CCDC7: variants seen among roughly 807,000 people sequenced by gnomAD.
CCDC7 encodes the protein coiled-coil domain containing 7.
CCDC7 carries 183 observed loss-of-function variants against 196.9 expected under a neutral mutation model. The ratio of observed to expected loss-of-function variants is 0.93; its 90% confidence interval spans 0.82 to 1.05. The LOEUF is 1.05. Ranked by LOEUF, CCDC7 falls within the 50% of genes least tolerant of loss-of-function variation. The pLI, the probability that CCDC7 is intolerant of heterozygous loss-of-function variation, is 0.00. For synonymous variants in CCDC7, 525 were observed against 484.6 expected (o/e 1.08, Z -1.10); for missense variants, 1,540 against 1,482.2 (o/e 1.04, Z -0.64).
chr10:32,449,899 A>G (rs2032557636), upstream of CCDC7, among the ~76,000 whole-genome samples: 1 of 152,224 alleles, frequency 6.6e-6, no homozygotes. Context: ...GGCAACATTT[A>G]TTTAGCGTCT....
chr10:32,860,638 A>T (rs535145934), intron 41 of CCDC7, among the ~76,000 whole-genome samples: 1 of 152,348 alleles, frequency 6.6e-6, no homozygotes, highest in South Asian at 2.1e-4. Context: ...CTGTTTGCAG[A>T]TGACATGATT....
At chr10:32,680,045 T>C (rs1322633658) in intron 21 of CCDC7, among the ~76,000 whole-genome samples, 3 of 152,156 alleles carry the variant, frequency 2.0e-5, no homozygotes, top group African/African-American at 4.8e-5. Flanking sequence ...CCAAAATCAA[T>C]TGAAAATCTT....
chr10:32,504,979 C>T (rs1442789651), intron 9 of CCDC7, among the ~76,000 whole-genome samples: 1 of 152,092 alleles, frequency 6.6e-6, no homozygotes, highest in African/African-American at 2.4e-5. Context: ...TCTGGATGAA[C>T]TGTCTATTGT....
At chr10:32,597,815 A>T (rs903540439) in intron 18 of CCDC7, among the ~76,000 whole-genome samples, 3 of 152,176 alleles carry the variant, frequency 2.0e-5, no homozygotes, top group African/African-American at 7.2e-5. Flanking sequence ...CTGGGTATCC[A>T]GCGGAGGCTG....
At chr10:32,824,644 A>T (rs1207459842) in intron 32 of CCDC7, 40 bp downstream of exon 33, 1 of 1,369,634 alleles carries the variant, frequency 7.3e-7, no homozygotes, top group East Asian at 2.3e-5. Flanking sequence ...ATGGTTTCCT[A>T]TCTTCTCTGG....
intron 18 of CCDC7, among the ~76,000 whole-genome samples, chr10:32,630,942 C>T (rs1281415910): frequency 6.6e-6 from 1 of 152,104 alleles, no homozygotes; most frequent in Non-Finnish European, 1.5e-5. Context: ...AGAAGTGATG[C>T]CATGCAGTGT....
intron 18 of CCDC7, among the ~76,000 whole-genome samples, chr10:32,621,068 G>A (rs1331454708): frequency 1.3e-5 from 2 of 152,106 alleles, no homozygotes; most frequent in Admixed American, 6.6e-5. Context: ...GACAAAGCTG[G>A]TTTAGTCTGA....
chr10:32,686,093 A>G lies in CCDC7; in HGVS notation c.2233+13A>G. On this transcript the variant is annotated intron_variant, in intron 22 of 41. Transcript: ENST00000639629. ...CAACCACTCACCAGTAAGTATAAAA[A>G]TTACACATAACTTTACATTATTTTA... 8.2e-7 allele frequency: 1 copy of G among 1,212,246 alleles called. No individual in the cohort carries two copies. The highest frequency in any genetic ancestry group is 1.2e-6 in the Non-Finnish European group (1 of 847,120). The allele number at this position is 1,212,246 out of a possible 1,614,324, so 75.1% of individuals were successfully genotyped here. A position where few individuals can be genotyped will look rare whatever the true frequency, so the allele number is the denominator to read the frequency against.
At chr10:32,759,107 T>G (rs974471147) in intron 28 of CCDC7, among the ~76,000 whole-genome samples, 1 of 152,162 alleles carries the variant, frequency 6.6e-6, no homozygotes, top group Non-Finnish European at 1.5e-5. Context: ...CTCAAACAAA[T>G]GGAAGAACAT....
chr10:32,458,070 G>T (rs1012702197), intron 3 of CCDC7, among the ~76,000 whole-genome samples: 7 of 151,994 alleles, frequency 4.6e-5, no homozygotes, highest in Admixed American at 1.3e-4. Context: ...TGTTGCCTAT[G>T]CTTTTGAGGT....
At chr10:32,745,295 A>G (rs1005203717) in intron 28 of CCDC7, among the ~76,000 whole-genome samples, 2 of 152,194 alleles carry the variant, frequency 1.3e-5, no homozygotes, top group East Asian at 1.9e-4. Flanking sequence ...GTTCCTTTGC[A>G]TTGCTATAAA....
At chr10:32,641,106 T>C (rs950041654) in intron 20 of CCDC7, among the ~76,000 whole-genome samples, 17 of 152,148 alleles carry the variant, frequency 1.1e-4, no homozygotes, top group Non-Finnish European at 5.9e-5. Context: ...ATTTCAACTT[T>C]GGTGAATCTG....
Position 32,697,979 on chromosome 10 carries a change from G to A in CCDC7, c.2458+2987G>A, listed in dbSNP as rs187493125. Among the ~76,000 whole-genome samples, 86 of 152,304 alleles carry A rather than the reference G, an allele frequency of 5.6e-4. No homozygotes were observed. The Middle Eastern group carries it at 0.014, about 24-fold the overall frequency. ...GCCCCTTTGAGACAAAGCTTCCAGAGGAAGGATCAGGCAGCAACCTTTGCT... is the reference window on the plus strand; with the variant it reads ...GCCCCTTTGAGACAAAGCTTCCAGAAGAAGGATCAGGCAGCAACCTTTGCT... On this transcript the variant is annotated intron_variant, in intron 24 of 41. Transcript: ENST00000639629.
intron 13 of CCDC7, among the ~76,000 whole-genome samples, chr10:32,557,267 T>A (rs1415942401): frequency 6.6e-6 from 1 of 150,640 alleles, no homozygotes; most frequent in Non-Finnish European, 1.5e-5. Context: ...TGGCCACTTT[T>A]ATTGCTTTTT....
chr10:32,534,866 G>A (rs1296507654), intron 11 of CCDC7, among the ~76,000 whole-genome samples: 2 of 151,866 alleles, frequency 1.3e-5, no homozygotes, highest in East Asian at 3.9e-4. Flanking sequence ...GTCTGTTGTT[G>A]GTAATATTTC....
rs1417401407 is a variant in CCDC7 at position 32,686,023 on chromosome 10, T to C, written c.2176T>C (p.Ser726Pro). 3.1e-6 allele frequency: 5 copies of C among 1,589,822 alleles called. No individual in the cohort carries two copies. In the African/African-American group the frequency reaches 5.4e-5, roughly 17 times the overall value. Reference sequence around the variant, plus strand: ...TGTAGTTGAGCATCAAGAATCATTGTCAAAAACCAAATTACAAATAAAGAA... The same window carrying C: ...TGTAGTTGAGCATCAAGAATCATTGCCAAAAACCAAATTACAAATAAAGAA... Residue 726 changes from serine (S) to proline (P), a missense_variant, in exon 22 of 42, where the codon TCA becomes CCA. Ser to Pro is a moderately conservative substitution (Grantham distance 74). Transcript: ENST00000639629.
intron 21 of CCDC7, among the ~76,000 whole-genome samples, chr10:32,685,183 G>T (rs2076327519): frequency 7.2e-6 from 1 of 139,592 alleles, no homozygotes; most frequent in Admixed American, 7.4e-5. Context: ...TTACCTAACG[G>T]TGGCATACAA....
intron 25 of CCDC7, among the ~76,000 whole-genome samples, chr10:32,721,611 A>G (rs1215770801): frequency 1.3e-5 from 2 of 152,032 alleles, no homozygotes; most frequent in Non-Finnish European, 2.9e-5. Context: ...GGACTTCTTT[A>G]TATTTGTTGG....
chr10:32,618,782 A>G (rs2063059953), intron 18 of CCDC7, among the ~76,000 whole-genome samples: 1 of 151,986 alleles, frequency 6.6e-6, no homozygotes, highest in Admixed American at 6.6e-5. Flanking sequence ...TCTTTTTGCA[A>G]TGTATTTGCC....
Sources: gnomAD v4.1 joint callset for allele counts (sites outside exome capture counted in the v4.1 genomes callset) on GRCh38, gnomAD v4.1.1 for gene constraint, MANE v1.5 for transcripts, NCBI Gene and HGNC (gene_info 2026-07-23, HGNC 2026-07-21) for gene names.